The following B3GALNT1 variants were observed in gnomAD, a reference collection of about 807,000 sequenced individuals.
B3GALNT1 encodes UDP-GalNAc:beta-1,3-N-acetylgalactosaminyltransferase 1.
A neutral mutation model predicts 27.3 loss-of-function variants in B3GALNT1; 17 were observed. That is an observed-to-expected ratio of 0.62 (90% CI 0.43 to 0.94). The LOEUF is 0.94. Ranked by LOEUF, B3GALNT1 falls within the 40% of genes least tolerant of loss-of-function variation. The probability of loss-of-function intolerance (pLI) is 0.00; values close to 1 mark genes in which losing one functional copy is unlikely to be tolerated. For synonymous variants in B3GALNT1, 141 were observed against 144.0 expected, an observed-to-expected ratio of 0.98 and a Z score of 0.15; for missense variants, 347 against 390.0, an observed-to-expected ratio of 0.89 and a Z score of 0.93.
In B3GALNT1 at chr3:161,086,774, C is replaced by T. The variant is rs199767554; in HGVS notation, c.-20G>A. On this transcript the variant is annotated 5_prime_UTR_variant, in exon 5 of 5. The change creates a new upstream start codon in the 5' untranslated region. Transcript: ENST00000320474. Reference sequence around the variant, plus strand: ...GGCCATCCACAGCAGCTCAGAAGCACGCGAGCCGAAGGTTCTGGAAGAGTT... The same window carrying T: ...GGCCATCCACAGCAGCTCAGAAGCATGCGAGCCGAAGGTTCTGGAAGAGTT... The T allele has an allele frequency of 1.8e-4, 285 of 1,613,178 alleles. 2 individuals are homozygous for T. The highest frequency in any genetic ancestry group is 1.8e-3 in the East Asian group (79 of 44,854).
chr3:161,100,253 A>G (rs111896093), intron 4 of B3GALNT1, among the ~76,000 whole-genome samples: 158 of 152,306 alleles, frequency 1.0e-3, no homozygotes, highest in African/African-American at 3.5e-3. Context: ...AAATTGTTCA[A>G]TTTTTAAGAA....
At chr3:161,098,925 C>T (rs1729678544) in intron 4 of B3GALNT1, among the ~76,000 whole-genome samples, 1 of 152,146 alleles carries the variant, frequency 6.6e-6, no homozygotes, top group African/African-American at 2.4e-5. Flanking sequence ...CAAGGTAACT[C>T]GCAGGTAACA....
At chr3:161,094,561 C>G (rs902578145) in intron 4 of B3GALNT1, among the ~76,000 whole-genome samples, 5 of 151,922 alleles carry the variant, frequency 3.3e-5, no homozygotes, top group Non-Finnish European at 7.4e-5. Flanking sequence ...AAAAAGAAAT[C>G]AAATGTAATT....
chr3:161,099,918 T>C (rs559214094), intron 4 of B3GALNT1, among the ~76,000 whole-genome samples: 18 of 152,252 alleles, frequency 1.2e-4, no homozygotes, highest in Non-Finnish European at 2.4e-4. Context: ...AGTTCCATTT[T>C]GAAAGGGTCA....
chr3:161,086,646 T>C lies in B3GALNT1; in HGVS notation c.109A>G (p.Ser37Gly), dbSNP rs745488449. Residue 37 changes from serine (S) to glycine (G), a missense_variant, in exon 5 of 5, where the codon AGC (serine) becomes GGC (glycine). Ser to Gly is a moderately conservative substitution (Grantham distance 56). Transcript: ENST00000320474. ...TCTATCACATTGTAGTGGGGAAGGC[T>C]GAGGTACCACATCACAAAGAAACTC... The part of the protein sequence containing the change: ...LLSFFVMWYL[S>G]LPHYNVIERV... 1 of 1,614,146 alleles carries C rather than the reference T, an allele frequency of 6.2e-7. No individual in the cohort carries two copies. Among genetic ancestry groups the C allele is most frequent in the South Asian group, 1.1e-5 (1 of 91,074 alleles).
chr3:161,093,660 G>A (rs1726559499), intron 4 of B3GALNT1, among the ~76,000 whole-genome samples: 1 of 152,166 alleles, frequency 6.6e-6, no homozygotes, highest in South Asian at 2.1e-4. Context: ...ACACATCACT[G>A]TCAAGAAAGA....
At chr3:161,100,616 A>G (rs1730738971) in intron 4 of B3GALNT1, among the ~76,000 whole-genome samples, 2 of 152,212 alleles carry the variant, frequency 1.3e-5, no homozygotes, top group Admixed American at 1.3e-4. Context: ...TGTATATGGG[A>G]ATCTCTGATA....
intron 4 of B3GALNT1, among the ~76,000 whole-genome samples, chr3:161,092,806 G>A (rs186386718): frequency 8.1e-5 from 10 of 122,700 alleles, no homozygotes; most frequent in Admixed American, 5.6e-4. Context: ...TCGCTCTGTC[G>A]CCCAGGCTGG....
At chr3:161,100,646 G>A (rs1730759677) in intron 4 of B3GALNT1, among the ~76,000 whole-genome samples, 1 of 152,182 alleles carries the variant, frequency 6.6e-6, no homozygotes, top group Non-Finnish European at 1.5e-5. Context: ...GTTGTGGCAT[G>A]CAGAATCTTT....
chr3:161,090,202 T>C (rs1254445594), intron 4 of B3GALNT1: 1 of 154,018 alleles, frequency 6.5e-6, no homozygotes, highest in African/African-American at 2.4e-5. Flanking sequence ...TTAACAATCA[T>C]GAAGCTCTAT....
Position 161,086,055 on chromosome 3 carries a change from A to T in B3GALNT1, c.700T>A (p.Phe234Ile), listed in dbSNP as rs768513558. 6.3e-7 allele frequency: 1 copy of T among 1,592,550 alleles called. No homozygotes were observed. The highest frequency in any genetic ancestry group is 8.5e-7 in the Non-Finnish European group (1 of 1,171,514). Residue 234 changes from phenylalanine to isoleucine, a missense_variant, in exon 5 of 5, where the codon TTC becomes ATC. Physicochemically the swap from Phe to Ile is conservative, Grantham distance 21. Coordinates refer to ENST00000320474, the MANE Select transcript of B3GALNT1 (RefSeq NM_003781.4). The part of the protein sequence containing the change: ...ISYQEYPFKV[F>I]PPYCSGLGYI... ...CCCAACCCACTGCAGTATGGAGGGA[A>T]CACCTTGAAAGGATACTCCTGGTAA...
chr3:161,090,439 G>A (rs909703821), intron 4 of B3GALNT1, among the ~76,000 whole-genome samples: 1 of 151,804 alleles, frequency 6.6e-6, no homozygotes, highest in Admixed American at 6.6e-5. Flanking sequence ...TCATTTTTAA[G>A]ACAACATAAC....
At position 161,096,139 on chromosome 3, in the gene B3GALNT1, T is replaced by C. The variant is rs35427414; in HGVS notation, c.-35+5000A>G. Among the ~76,000 whole-genome samples the C allele has an allele frequency of 3.8e-3, 582 of 152,376 alleles. 1 individual carries two copies. Among genetic ancestry groups the C allele is most frequent in the Non-Finnish European group, 6.2e-3 (419 of 68,028 alleles). The stretch of plus-strand genomic sequence containing the variant: ...ACACATAGTAGGCTCTCTGTAATAT[T>C]TGCATACTTTGCAAATGATTTGGTA... On this transcript the variant is annotated intron_variant, in intron 4 of 4. Coordinates refer to ENST00000320474, the MANE Select transcript of B3GALNT1 (RefSeq NM_003781.4).
At chr3:161,096,950 G>A (rs1171410803) in intron 4 of B3GALNT1, among the ~76,000 whole-genome samples, 1 of 152,202 alleles carries the variant, frequency 6.6e-6, no homozygotes, top group Admixed American at 6.5e-5. Flanking sequence ...TGCTGCCAAA[G>A]CGAGCACCAG....
At chr3:161,090,381 C>A (rs146208044) in intron 4 of B3GALNT1, among the ~76,000 whole-genome samples, 32 of 152,096 alleles carry the variant, frequency 2.1e-4, no homozygotes, top group African/African-American at 7.7e-4. Flanking sequence ...TAATCTTGAT[C>A]AAATGAAACA....
Position 161,086,214 on chromosome 3 carries a change from T to C in B3GALNT1, c.541A>G (p.Thr181Ala), listed in dbSNP as rs758746713. 1 of 1,614,074 alleles carries C rather than the reference T, an allele frequency of 6.2e-7. No homozygotes were observed. The highest frequency in any genetic ancestry group is 8.5e-7 in the Non-Finnish European group (1 of 1,179,954). ...PNAKYVMKTD[T>A]DVFINTGNLV... ...TTGCCAGTATTGATGAAAACATCAG[T>C]GTCTGTCTTCATTACGTACTTGGCA... is the stretch of plus-strand genomic sequence containing the variant. The change falls in exon 5 of 5, where the codon ACT (threonine) becomes GCT (alanine). Residue 181 changes from threonine to alanine, a missense_variant. Coordinates refer to ENST00000320474, the MANE Select transcript of B3GALNT1 (RefSeq NM_003781.4).
intron 2 of B3GALNT1, chr3:161,103,822 G>A (rs1332067023): frequency 5.5e-6 from 1 of 183,004 alleles, no homozygotes; most frequent in African/African-American, 2.4e-5. Context: ...CTGCCTCCCG[G>A]GTTCGAGCAA....
chr3:161,086,683 C>T lies in B3GALNT1; in HGVS notation c.72G>A (p.Leu24=). The change falls in exon 5 of 5, where the codon CTG becomes CTA. Residue 24 remains leucine, a synonymous_variant. Coordinates refer to ENST00000320474, the MANE Select transcript of B3GALNT1 (RefSeq NM_003781.4). ...TCACAAAGAAACTCAGGAGTGACAG[C>T]AGCAGGAGGCTCCATTTGAGGGATC... ...SLRSLKWSLL[L]LSLLSFFVMW... The T allele has an allele frequency of 1.2e-6, 2 of 1,614,180 alleles. No individual in the cohort carries two copies. Among genetic ancestry groups the T allele is most frequent in the Non-Finnish European group, 1.7e-6 (2 of 1,180,038 alleles).
chr3:161,086,202 T>A lies in B3GALNT1; in HGVS notation c.553A>T (p.Ile185Phe). The change falls in exon 5 of 5, where the codon ATC becomes TTC. Residue 185 changes from isoleucine (I) to phenylalanine (F), a missense_variant. Physicochemically the swap from Ile to Phe is conservative, Grantham distance 21. Transcript: ENST00000320474. ...YVMKTDTDVF[I>F]NTGNLVKYLL... Reference sequence around the variant, plus strand: ...TACTTCACTAAATTGCCAGTATTGATGAAAACATCAGTGTCTGTCTTCATT... The same window carrying A: ...TACTTCACTAAATTGCCAGTATTGAAGAAAACATCAGTGTCTGTCTTCATT... 1 of 1,614,152 alleles carries A rather than the reference T, an allele frequency of 6.2e-7. No homozygotes were observed. Among genetic ancestry groups the A allele is most frequent in the Non-Finnish European group, 8.5e-7 (1 of 1,180,022 alleles).
Sources: allele counts gnomAD v4.1 joint callset (sites outside exome capture counted in the v4.1 genomes callset), GRCh38; gene constraint gnomAD v4.1.1; transcripts MANE v1.5; gene names NCBI Gene and HGNC (gene_info 2026-07-23, HGNC 2026-07-21).